MAST2: variants seen among roughly 807,000 people sequenced by gnomAD.
MAST2 encodes microtubule associated serine/threonine kinase 2, also known as microtubule-associated serine/threonine-protein kinase 2.
Under a neutral mutation model 147.4 loss-of-function variants are expected in MAST2, and 70 were observed. The ratio of observed to expected loss-of-function variants is 0.47; its 90% CI spans 0.39 to 0.58. The LOEUF is 0.58. Ranked by LOEUF, MAST2 falls within the 20% of genes least tolerant of loss-of-function variation. The probability of loss-of-function intolerance (pLI) is 0.00; values close to 1 mark genes in which losing one functional copy is unlikely to be tolerated. For missense variants in MAST2, 2,080 were observed against 2,302.3 expected (o/e 0.90, Z 1.98); for synonymous variants, 869 against 896.8 (o/e 0.97, Z 0.55).
intron 3 of MAST2, among the ~76,000 whole-genome samples, chr1:45,875,070 C>T (rs1034486460): frequency 2.6e-5 from 4 of 152,162 alleles, no homozygotes; most frequent in Admixed American, 2.0e-4. Flanking sequence ...GCAGTCAGAG[C>T]CAAGTAGTGC....
At chr1:45,958,319 C>G (rs1278500414) in intron 4 of MAST2, among the ~76,000 whole-genome samples, 1 of 152,094 alleles carries the variant, frequency 6.6e-6, no homozygotes, top group Non-Finnish European at 1.5e-5. Flanking sequence ...CCACTCTTGA[C>G]TTCTTTGCTA....
At chr1:45,976,717 C>T (rs896459294) in intron 5 of MAST2, among the ~76,000 whole-genome samples, 2 of 152,114 alleles carry the variant, frequency 1.3e-5, no homozygotes, top group African/African-American at 4.8e-5. Flanking sequence ...GTTAAGAGGC[C>T]ATTGCCATTA....
rs776757757 is a variant in MAST2 at position 46,031,503 on chromosome 1, A to G, written c.3105A>G (p.Ser1035=). 3.7e-6 allele frequency: 6 copies of G among 1,614,164 alleles called. No individual in the cohort carries two copies. Among genetic ancestry groups the G allele is most frequent in the Non-Finnish European group, 4.2e-6 (5 of 1,180,014 alleles). Residue 1035 remains serine, a synonymous_variant, in exon 24 of 29, where the codon TCA becomes TCG. Coordinates refer to ENST00000361297, the MANE Select transcript of MAST2 (RefSeq NM_015112.3). The surrounding 1 kb of genome is among the most constrained non-coding windows in gnomAD (Gnocchi z 4.1). Reference sequence around the variant, plus strand: ...GCCACCGGCTGCTCTCTGGGGACTCAACAGAGAAGCGCACTGCTCGCCCTG... The same window carrying G: ...GCCACCGGCTGCTCTCTGGGGACTCGACAGAGAAGCGCACTGCTCGCCCTG... The part of the protein sequence containing the change: ...RARHRLLSGD[S]TEKRTARPVN...
At chr1:45,874,333 G>A (rs901530451) in intron 3 of MAST2, among the ~76,000 whole-genome samples, 1 of 152,198 alleles carries the variant, frequency 6.6e-6, no homozygotes, top group South Asian at 2.1e-4. Context: ...AGTGGATCAC[G>A]AGGTCAGGAG....
chr1:45,843,780 A>T (rs1250755677), intron 3 of MAST2, among the ~76,000 whole-genome samples: 5 of 152,166 alleles, frequency 3.3e-5, no homozygotes, highest in Admixed American at 1.3e-4. Flanking sequence ...CTTGTTTCTA[A>T]TGCCATCTAG....
At chr1:45,853,343 A>G (rs1645682380) in intron 3 of MAST2, among the ~76,000 whole-genome samples, 1 of 152,052 alleles carries the variant, frequency 6.6e-6, no homozygotes, top group Non-Finnish European at 1.5e-5. Flanking sequence ...TAACACATTT[A>G]TTAATTTTTT....
At chr1:45,890,783 C>T (rs1210613700) in intron 4 of MAST2, among the ~76,000 whole-genome samples, 3 of 152,166 alleles carry the variant, frequency 2.0e-5, no homozygotes, top group African/African-American at 7.2e-5. Flanking sequence ...CACAAATTGG[C>T]AATCATTTGA....
rs1231491392 is a variant in MAST2 at position 46,010,936 on chromosome 1, A to G, written c.1185A>G (p.Gln395=). Residue 395 remains glutamine (Q), a synonymous_variant, in exon 10 of 29, where the codon CAA becomes CAG. Transcript: ENST00000361297. ...ELQDNLEKLL[Q]DAHERSESSE... ...AAGATAATTTGGAGAAACTTTTACA[A>G]GATGTGAGTGTCCTTGTGCTGGGGT... The G allele has an allele frequency of 1.2e-6, 2 of 1,613,278 alleles. No individual in the cohort carries two copies. Among genetic ancestry groups the G allele is most frequent in the East Asian group, 4.5e-5 (2 of 44,872 alleles).
At chr1:45,817,723 T>C (rs1377443564) in intron 1 of MAST2, among the ~76,000 whole-genome samples, 1 of 151,694 alleles carries the variant, frequency 6.6e-6, no homozygotes, top group African/African-American at 2.4e-5. Flanking sequence ...ACGACTCATA[T>C]CATGAAAAGA....
intron 22 of MAST2, 90 bp from the exon 23 acceptor site, chr1:46,030,917 T>C: frequency 1.3e-6 from 2 of 1,509,302 alleles, no homozygotes; most frequent in Non-Finnish European, 8.9e-7. Flanking sequence ...AGGAAAGTTC[T>C]GTTACTATAA....
chr1:45,954,908 G>A (rs1011790481), intron 4 of MAST2, among the ~76,000 whole-genome samples: 1 of 152,218 alleles, frequency 6.6e-6, no homozygotes, highest in Non-Finnish European at 1.5e-5. Context: ...CGTCCCTGAA[G>A]TTTCAAGACA....
intron 5 of MAST2, among the ~76,000 whole-genome samples, chr1:45,963,125 C>G (rs1292834838): frequency 2.6e-5 from 4 of 152,114 alleles, no homozygotes; most frequent in African/African-American, 9.7e-5. Context: ...TGGTCGATAT[C>G]TCTGTTTTGG....
intron 5 of MAST2, among the ~76,000 whole-genome samples, chr1:45,966,566 A>C (rs994644208): frequency 3.9e-5 from 6 of 152,110 alleles, no homozygotes; most frequent in African/African-American, 1.2e-4. Flanking sequence ...TGTCGTCTCT[A>C]CTAAAAATAG....
chr1:45,823,615 T>A (rs1262562067), intron 1 of MAST2, among the ~76,000 whole-genome samples: 1 of 152,198 alleles, frequency 6.6e-6, no homozygotes, highest in East Asian at 1.9e-4. Flanking sequence ...ATTACAGGTG[T>A]GAGCTACTGT....
chr1:45,855,656 T>A (rs1645764030), intron 3 of MAST2, among the ~76,000 whole-genome samples: 1 of 152,190 alleles, frequency 6.6e-6, no homozygotes, highest in Non-Finnish European at 1.5e-5. Flanking sequence ...TTTACATGTT[T>A]GTTGCTACTA....
chr1:45,886,272 T>A (rs1647081108), intron 4 of MAST2, among the ~76,000 whole-genome samples: 1 of 146,910 alleles, frequency 6.8e-6, no homozygotes, highest in Non-Finnish European at 1.5e-5. Flanking sequence ...TATACATATA[T>A]ATTTATATAT....
chr1:45,948,374 A>C, intron 4 of MAST2, among the ~76,000 whole-genome samples: 1 of 152,162 alleles, frequency 6.6e-6, no homozygotes, highest in East Asian at 1.9e-4. Flanking sequence ...CAAACTACCA[A>C]GAGTATTCTT....
intron 5 of MAST2, among the ~76,000 whole-genome samples, chr1:45,986,571 A>G (rs1644627168): frequency 1.3e-5 from 2 of 152,058 alleles, no homozygotes; most frequent in African/African-American, 4.8e-5. Flanking sequence ...ACAAAAAATT[A>G]TCCAGGTGTG....
At chr1:45,996,778 A>G (rs1645074306) in intron 5 of MAST2, among the ~76,000 whole-genome samples, 1 of 152,112 alleles carries the variant, frequency 6.6e-6, no homozygotes, top group Admixed American at 6.6e-5. Context: ...GATAGTGGGA[A>G]ACAAAGGGGT....
Sources: gnomAD v4.1 joint callset for allele counts (sites outside exome capture counted in the v4.1 genomes callset) on GRCh38, gnomAD v4.1.1 for gene constraint, Gnocchi (gnomAD v3.1) non-coding constraint, MANE v1.5 for transcripts, NCBI Gene and HGNC (gene_info 2026-07-23, HGNC 2026-07-21) for gene names.